The following GALNT8 variants were observed in gnomAD, a reference collection of about 807,000 sequenced individuals.
The protein encoded by GALNT8 is probable polypeptide N-acetylgalactosaminyltransferase 8.
GALNT8 carries 66 observed loss-of-function variants against 62.7 expected under a neutral mutation model. The observed-to-expected ratio is 1.05, with a 90% confidence interval of 0.86 to 1.29. GALNT8 has a LOEUF of 1.29. Ranked by LOEUF, GALNT8 falls within the 50% of genes most tolerant of loss-of-function variation. The probability of loss-of-function intolerance (pLI) is 0.00; values close to 1 mark genes in which losing one functional copy is unlikely to be tolerated. For missense variants in GALNT8, 771 were observed against 791.8 expected (o/e 0.97, Z 0.32); for synonymous variants, 288 against 294.3 (o/e 0.98, Z 0.22).
rs960472591 is a variant in GALNT8 at position 4,744,759 on chromosome 12, A to C, written c.860+59A>C. 3 of 1,137,768 alleles carry C rather than the reference A, an allele frequency of 2.6e-6. No homozygotes were observed. The Admixed American group carries it at 6.1e-5, about 23-fold the overall frequency. 70.5% of individuals were successfully genotyped at this position (1,137,768 alleles called of 1,614,324 possible). On this transcript the variant is annotated intron_variant, in intron 4 of 10. Transcript: ENST00000252318. ...GGCAGAGAGGAGATATTGTGCATGT[A>C]CTGAACACAAGACAGGATACTGTGG...
At chr12:4,766,598 C>T (rs1419567636) in intron 10 of GALNT8, among the ~76,000 whole-genome samples, 1 of 152,094 alleles carries the variant, frequency 6.6e-6, no homozygotes, top group East Asian at 1.9e-4. Context: ...TGGCAGAATT[C>T]ATGTGATGAT....
intron 6 of GALNT8, among the ~76,000 whole-genome samples, chr12:4,755,671 G>A (rs1315116198): frequency 1.3e-5 from 2 of 152,152 alleles, no homozygotes; most frequent in Admixed American, 6.5e-5. Context: ...CAACCATCTT[G>A]CTCCACCACT....
At chr12:4,739,446 A>G (rs961344380) in intron 3 of GALNT8, 117 bp downstream of exon 3, 45 of 707,256 alleles carry the variant, frequency 6.4e-5, no homozygotes, top group Non-Finnish European at 9.9e-5. Flanking sequence ...TAGGGAAAAT[A>G]AAAAGATCAT....
intron 6 of GALNT8, among the ~76,000 whole-genome samples, chr12:4,755,750 A>C (rs1189643460): frequency 6.6e-6 from 1 of 152,228 alleles, no homozygotes; most frequent in Admixed American, 6.5e-5. Flanking sequence ...TAGAGAAATT[A>C]CAAGTGCAGA....
intron 10 of GALNT8, among the ~76,000 whole-genome samples, chr12:4,768,156 CCAT>C (rs1280981238): frequency 2.0e-5 from 3 of 152,112 alleles, no homozygotes; most frequent in Non-Finnish European, 2.9e-5. Flanking sequence ...TAAAATTTCA[CCAT>C]CGAGTCACCA....
intron 3 of GALNT8, among the ~76,000 whole-genome samples, chr12:4,740,106 A>G (rs955933247): frequency 6.6e-6 from 1 of 152,106 alleles, no homozygotes; most frequent in African/African-American, 2.4e-5. Flanking sequence ...AAGCCTGGAG[A>G]AAAGAGAGAT....
At chr12:4,766,553 A>G (rs565995176) in intron 10 of GALNT8, among the ~76,000 whole-genome samples, 1 of 152,164 alleles carries the variant, frequency 6.6e-6, no homozygotes, top group East Asian at 1.9e-4. Context: ...CTTTAACTTC[A>G]ATATCAAATG....
At chr12:4,753,935 A>G (rs11836881) in intron 6 of GALNT8, among the ~76,000 whole-genome samples, 1,777 of 152,308 alleles carry the variant, frequency 0.012, 42 homozygotes, top group African/African-American at 0.041. Context: ...TTCCAGACTC[A>G]TAGAAGTACC....
chr12:4,720,968 GA>G, intron 1 of GALNT8, 80 bp downstream of exon 1: 2 of 828,844 alleles, frequency 2.4e-6, no homozygotes, highest in Non-Finnish European at 4.1e-6. Flanking sequence ...GATATGGAAG[GA>G]AAAATGGGTG....
chr12:4,742,515 G>A (rs1223372006), intron 3 of GALNT8, among the ~76,000 whole-genome samples: 1 of 152,208 alleles, frequency 6.6e-6, no homozygotes, highest in African/African-American at 2.4e-5. Context: ...CTTAATTAAT[G>A]AGGCAAGACA....
chr12:4,727,203 T>C (rs1946200267), intron 2 of GALNT8, among the ~76,000 whole-genome samples: 1 of 152,074 alleles, frequency 6.6e-6, no homozygotes. Context: ...AGGACTTTGC[T>C]CAAATTCTCT....
intron 4 of GALNT8, among the ~76,000 whole-genome samples, chr12:4,745,100 G>A (rs1355609349): frequency 1.3e-5 from 2 of 152,176 alleles, no homozygotes; most frequent in African/African-American, 4.8e-5. Flanking sequence ...CAGGAAAGAA[G>A]CATCACTTTG....
intron 3 of GALNT8, among the ~76,000 whole-genome samples, chr12:4,740,198 A>T (rs536604481): frequency 7.6e-4 from 116 of 152,268 alleles, no homozygotes; most frequent in Non-Finnish European, 1.2e-3. Flanking sequence ...CAAGGAAGAG[A>T]TGTGGAAGAT....
At chr12:4,729,825 A>G (rs1338507430) in intron 2 of GALNT8, among the ~76,000 whole-genome samples, 2 of 152,130 alleles carry the variant, frequency 1.3e-5, no homozygotes, top group Non-Finnish European at 2.9e-5. Flanking sequence ...TATTGGGTGT[A>G]CTAATTTACA....
intron 7 of GALNT8, among the ~76,000 whole-genome samples, chr12:4,761,883 C>T (rs528348310): frequency 9.9e-5 from 15 of 152,220 alleles, no homozygotes; most frequent in South Asian, 2.1e-4. Flanking sequence ...ATCCCTCCAT[C>T]GTAGTGGGTT....
chr12:4,771,969 C>T (rs10849143), intron 10 of GALNT8, among the ~76,000 whole-genome samples: 57,113 of 152,046 alleles, frequency 0.38, 11,129 homozygotes, highest in Admixed American at 0.44. Flanking sequence ...ATAGGAGAGG[C>T]GGGAAGCTGC....
At chr12:4,747,723 G>A (rs1250685121) in intron 6 of GALNT8, among the ~76,000 whole-genome samples, 1 of 152,098 alleles carries the variant, frequency 6.6e-6, no homozygotes, top group Non-Finnish European at 1.5e-5. Context: ...TTTCTTTTGG[G>A]TATATACCCA....
intron 2 of GALNT8, among the ~76,000 whole-genome samples, chr12:4,737,070 TAATAAA>T (rs1946248736): frequency 6.6e-6 from 1 of 152,098 alleles, no homozygotes; most frequent in African/African-American, 2.4e-5. Flanking sequence ...AAAAGTACAA[TAATAAA>T]AATGAAGAGT....
At chr12:4,746,327 C>G in intron 6 of GALNT8, 69 bp downstream of exon 6, 2 of 885,750 alleles carry the variant, frequency 2.3e-6, no homozygotes, top group Non-Finnish European at 3.8e-6. Flanking sequence ...AGTAGGACCC[C>G]TGGAATCCTA....
Sources: gnomAD v4.1 joint callset for allele counts (sites outside exome capture counted in the v4.1 genomes callset) on GRCh38, gnomAD v4.1.1 for gene constraint, MANE v1.5 for transcripts, NCBI Gene and HGNC (gene_info 2026-07-23, HGNC 2026-07-21) for gene names.